The following PCDHGB7 variants were observed in gnomAD, a reference collection of about 807,000 sequenced individuals.
PCDHGB7 encodes the protein protocadherin gamma-B7.
PCDHGB7 carries 37 observed loss-of-function variants against 61.4 expected under a neutral mutation model. The ratio of observed to expected loss-of-function variants is 0.60; its 90% confidence interval spans 0.46 to 0.79. PCDHGB7 has a LOEUF of 0.79. Among genes scored for constraint, PCDHGB7 ranks in the 30% least tolerant of loss-of-function variants. The pLI is 0.00. For synonymous variants in PCDHGB7, 464 were observed against 503.5 expected, an observed-to-expected ratio of 0.92 and a Z score of 1.05; for missense variants, 1,166 against 1,202.5, an observed-to-expected ratio of 0.97 and a Z score of 0.45.
Position 141,486,616 on chromosome 5 carries a change from C to A in PCDHGB7, c.2416-8191C>A. On this transcript the variant is annotated intron_variant, in intron 1 of 3. Transcript: ENST00000398594. The surrounding 1 kb of genome is among the most constrained non-coding windows in gnomAD (Gnocchi z 5.0). ...TGCTTTGCTCCCTTGCAGCCTCTGACCCAGACTCTGGCTTGAATGCGCTTA... is the reference window on the plus strand; with the variant it reads ...TGCTTTGCTCCCTTGCAGCCTCTGAACCAGACTCTGGCTTGAATGCGCTTA... The A allele has an allele frequency of 6.2e-7, 1 of 1,613,618 alleles. No individual in the cohort carries two copies. Among genetic ancestry groups the A allele is most frequent in the Non-Finnish European group, 8.5e-7 (1 of 1,180,022 alleles).
intron 1 of PCDHGB7, chr5:141,423,386 G>T: frequency 6.2e-7 from 1 of 1,614,160 alleles, no homozygotes; most frequent in Middle Eastern, 1.7e-4. Flanking sequence ...CTGTGGCGCT[G>T]GCATAAGTCA....
chr5:141,494,899 C>T, intron 2 of PCDHGB7, 34 bp downstream of exon 2: 1 of 1,614,116 alleles, frequency 6.2e-7, no homozygotes, highest in Non-Finnish European at 8.5e-7. Context: ...ACCCTCTTCT[C>T]TGCGGCATTT....
rs774682943 is a variant in PCDHGB7 at position 141,493,841 on chromosome 5, T to G, written c.2416-966T>G. Among the ~76,000 whole-genome samples the G allele has an allele frequency of 3.3e-5, 5 of 152,024 alleles. No homozygotes were observed. Among genetic ancestry groups the G allele is most frequent in the Non-Finnish European group, 7.4e-5 (5 of 68,010 alleles). On this transcript the variant is annotated intron_variant, in intron 1 of 3. Transcript: ENST00000398594. This position sits in a 1 kb window ranked among gnomAD's most constrained non-coding sequence, Gnocchi z 4.3. The stretch of plus-strand genomic sequence containing the variant: ...CTCTGCTTCTGGGAGCAAGTATGAG[T>G]ATTAATTACCAGCCCACCCCAGAAC...
chr5:141,448,834 A>G (rs910945659), intron 1 of PCDHGB7, among the ~76,000 whole-genome samples: 2 of 151,780 alleles, frequency 1.3e-5, no homozygotes, highest in African/African-American at 4.8e-5. Context: ...AGTCCCAGCT[A>G]CTCTGGAGGC....
chr5:141,490,611 G>A lies in PCDHGB7; in HGVS notation c.2416-4196G>A, dbSNP rs1442281165. 1 of 1,614,052 alleles carries A rather than the reference G, an allele frequency of 6.2e-7. No homozygotes were observed. The highest frequency in any genetic ancestry group is 1.3e-5 in the African/African-American group (1 of 74,914). On this transcript the variant is annotated intron_variant, in intron 1 of 3. Coordinates refer to ENST00000398594, the MANE Select transcript of PCDHGB7 (RefSeq NM_018927.4). This position sits in a 1 kb window ranked among gnomAD's most constrained non-coding sequence, Gnocchi z 5.4. ...ACAATGCACCCCGCTTCAACCAGCA[G>A]CTTTACACTGCTTACATCCTAGAAA...
rs530261329 is a variant in PCDHGB7, at chr5:141,440,076, A to G, written c.2415+19802A>G. 2.4e-4 allele frequency: 37 copies of G among 152,560 alleles called. No individual in the cohort carries two copies. In the South Asian group the frequency reaches 3.7e-3, roughly 15 times the overall value. The allele number at this position is 152,560 out of a possible 1,614,324, so 9.5% of individuals were successfully genotyped here. On this transcript the variant is annotated intron_variant, in intron 1 of 3. Coordinates refer to ENST00000398594, the MANE Select transcript of PCDHGB7 (RefSeq NM_018927.4). Reference sequence around the variant, plus strand: ...CTTCGGGTTAATGCTGAGGAATAATACTTCATTCTAAGTGGGGAAAGTGGA... The same window carrying G: ...CTTCGGGTTAATGCTGAGGAATAATGCTTCATTCTAAGTGGGGAAAGTGGA...
intron 1 of PCDHGB7, chr5:141,422,145 G>A: frequency 1.3e-6 from 2 of 1,580,726 alleles, no homozygotes; most frequent in Non-Finnish European, 8.6e-7. Context: ...AAGTACGGGG[G>A]TCTCTGGATT....
At chr5:141,483,937 C>T (rs964918788) in intron 1 of PCDHGB7, among the ~76,000 whole-genome samples, 1 of 130,444 alleles carries the variant, frequency 7.7e-6, no homozygotes, top group African/African-American at 2.9e-5. Flanking sequence ...TAGGTACCTA[C>T]GGTGTGAATT....
At chr5:141,446,718 C>T (rs1279970040) in intron 1 of PCDHGB7, among the ~76,000 whole-genome samples, 4 of 152,174 alleles carry the variant, frequency 2.6e-5, no homozygotes, top group South Asian at 2.1e-4. Flanking sequence ...CTGCCCGCCT[C>T]GGCCTCCCAA....
At chr5:141,427,401 G>A (rs2097022075) in intron 1 of PCDHGB7, 1 of 461,400 alleles carries the variant, frequency 2.2e-6, no homozygotes, top group Non-Finnish European at 4.3e-6. Flanking sequence ...ACATGATAAA[G>A]ATTCGAGAGA....
Position 141,432,093 on chromosome 5 carries a change from CCAACGA to C in PCDHGB7, c.2415+11824_2415+11829del. 1.2e-6 allele frequency: 2 copies of C among 1,614,170 alleles called. No individual in the cohort carries two copies. The highest frequency in any genetic ancestry group is 1.7e-6 in the Non-Finnish European group (2 of 1,180,046). On this transcript the variant is annotated intron_variant, in intron 1 of 3. Coordinates refer to ENST00000398594, the MANE Select transcript of PCDHGB7 (RefSeq NM_018927.4). The surrounding 1 kb of genome is among the most constrained non-coding windows in gnomAD (Gnocchi z 6.0). ...CATATCTCGCTGAACGTGGCAGACA[CCAACGA>C]CAACCCGCCGGTCTTCCCTCAGGCC...
In PCDHGB7 at chr5:141,486,247, C is replaced by T. The variant is rs935513223; in HGVS notation, c.2416-8560C>T. The T allele has an allele frequency of 2.5e-6, 4 of 1,614,014 alleles. No homozygotes were observed. The African/African-American group carries it at 5.3e-5, about 22-fold the overall frequency. On this transcript the variant is annotated intron_variant, in intron 1 of 3. Transcript: ENST00000398594. This position sits in a 1 kb window ranked among gnomAD's most constrained non-coding sequence, Gnocchi z 5.0. Reference sequence around the variant, plus strand: ...TCACAGTGACCTCAGAGCTTGGAACCCTCCCCGAGAGTGCAGAACCTGGCA... The same window carrying T: ...TCACAGTGACCTCAGAGCTTGGAACTCTCCCCGAGAGTGCAGAACCTGGCA...
At chr5:141,421,352 A>T in intron 1 of PCDHGB7, 1 of 1,613,946 alleles carries the variant, frequency 6.2e-7, no homozygotes, top group Non-Finnish European at 8.5e-7. Context: ...GAGACCGAAA[A>T]GGGCTCCTTC....
chr5:141,427,810 G>A (rs2097074260), intron 1 of PCDHGB7: 1 of 1,523,990 alleles, frequency 6.6e-7, no homozygotes, highest in Non-Finnish European at 9.0e-7. Flanking sequence ...AGCGCACAGA[G>A]CGGGGTGGTG....
chr5:141,417,958 C>T lies in PCDHGB7; in HGVS notation c.99C>T (p.Ile33=), dbSNP rs1255501304. 3 of 1,613,720 alleles carry T rather than the reference C, an allele frequency of 1.9e-6. No individual in the cohort carries two copies. Among genetic ancestry groups the T allele is most frequent in the South Asian group, 2.2e-5 (2 of 91,074 alleles). Reference sequence around the variant, plus strand: ...TCTACCCCACGCTGTGTGAGCCGATCCGCTACTCGATTCCGGAGGAGCTGG... The same window carrying T: ...TCTACCCCACGCTGTGTGAGCCGATTCGCTACTCGATTCCGGAGGAGCTGG... ...PLFYPTLCEP[I]RYSIPEELAK... Residue 33 remains isoleucine (I), a synonymous_variant, in exon 1 of 4, where the codon ATC becomes ATT. Transcript: ENST00000398594.
intron 1 of PCDHGB7, among the ~76,000 whole-genome samples, chr5:141,437,452 G>GACTAT (rs1319101256): frequency 6.6e-6 from 1 of 152,144 alleles, no homozygotes; most frequent in Non-Finnish European, 1.5e-5. Context: ...ATGTTGAGGA[G>GACTAT]ACTATACTAT....
chr5:141,464,970 G>A (rs550643230), intron 1 of PCDHGB7, among the ~76,000 whole-genome samples: 1 of 152,028 alleles, frequency 6.6e-6, no homozygotes, highest in East Asian at 1.9e-4. Flanking sequence ...TTGAACTACT[G>A]GCTTCAAGTG....
At chr5:141,458,694 C>G (rs905547768) in intron 1 of PCDHGB7, among the ~76,000 whole-genome samples, 1 of 152,136 alleles carries the variant, frequency 6.6e-6, no homozygotes, top group East Asian at 1.9e-4. Context: ...CTCAGCCTCC[C>G]GAGTAGCTGG....
intron 1 of PCDHGB7, among the ~76,000 whole-genome samples, chr5:141,481,193 A>G (rs749746998): frequency 1.3e-5 from 2 of 152,216 alleles, no homozygotes; most frequent in Admixed American, 6.5e-5. Context: ...GCCAGGCCCA[A>G]TTTTTTTAAA....
Sources: gnomAD v4.1 joint callset for allele counts (sites outside exome capture counted in the v4.1 genomes callset) on GRCh38, gnomAD v4.1.1 for gene constraint, Gnocchi (gnomAD v3.1) non-coding constraint, MANE v1.5 for transcripts, NCBI Gene and HGNC (gene_info 2026-07-23, HGNC 2026-07-21) for gene names.